The following NLRP1 variants were observed in gnomAD, a reference collection of about 807,000 sequenced individuals.
The protein encoded by NLRP1 is NLR family pyrin domain containing 1.
NLRP1 carries 94 observed loss-of-function variants against 136.7 expected under a neutral mutation model. That is an observed-to-expected ratio of 0.69 (90% CI 0.58 to 0.82). The LOEUF (loss-of-function observed/expected upper bound fraction) is 0.82. Ranked by LOEUF, NLRP1 falls within the 40% of genes least tolerant of loss-of-function variation. The probability of loss-of-function intolerance (pLI) is 0.00; values close to 1 mark genes in which losing one functional copy is unlikely to be tolerated. For synonymous variants in NLRP1, 690 were observed against 725.1 expected (o/e 0.95, Z 0.78); for missense variants, 1,575 against 1,802.7 (o/e 0.87, Z 2.29).
At chr17:5,501,472 A>C (rs1302630913) in exon 16 of NLRP1, 1 of 192,820 alleles carries the variant, frequency 5.2e-6, no homozygotes, top group African/African-American at 2.3e-5. Flanking sequence ...AAATTGAGAA[A>C]ACAGTGTAGG....
chr17:5,530,065 G>A (rs1910045575), intron 12 of NLRP1: 1 of 457,610 alleles, frequency 2.2e-6, no homozygotes. Context: ...CTGCCTGTAG[G>A]AGTAGTGATG....
chr17:5,530,393 C>A, intron 12 of NLRP1, 88 bp downstream of exon 12: 1 of 1,263,566 alleles, frequency 7.9e-7, no homozygotes, highest in South Asian at 1.3e-5. Context: ...GAAGCCACAA[C>A]ACCCTCTCCC....
In NLRP1 at chr17:5,553,451, G is replaced by C. The variant is rs201036847; in HGVS notation, c.2463C>G (p.Ser821Arg). The C allele has an allele frequency of 6.8e-6, 11 of 1,614,194 alleles. No homozygotes were observed. Among genetic ancestry groups the C allele is most frequent in the Non-Finnish European group, 8.5e-6 (10 of 1,180,026 alleles). The change falls in exon 5 of 17, where the codon AGC (serine) becomes AGG (arginine). Residue 821 changes from serine to arginine, a missense_variant. Physicochemically the swap from Ser to Arg is moderately radical, Grantham distance 110. Transcript: ENST00000572272. The stretch of plus-strand genomic sequence containing the variant: ...TACAAAGACTCTTCACTGCAGAGTG[G>C]CTCAGCGAGTTTCCACTTAGGTCCA... ...KELDLSGNSL[S>R]HSAVKSLCKT...
intron 11 of NLRP1, among the ~76,000 whole-genome samples, chr17:5,532,450 A>G (rs1910422041): frequency 6.6e-6 from 1 of 152,150 alleles, no homozygotes; most frequent in African/African-American, 2.4e-5. Flanking sequence ...GTAATGAAAT[A>G]TTTAAGGGTA....
Position 5,521,667 on chromosome 17 carries a change from G to C in NLRP1, c.3640C>G (p.Pro1214Ala). The C allele has an allele frequency of 6.2e-7, 1 of 1,613,944 alleles. No homozygotes were observed. Among genetic ancestry groups the C allele is most frequent in the Non-Finnish European group, 8.5e-7 (1 of 1,180,024 alleles). The change falls in exon 13 of 17, where the codon CCC (proline) becomes GCC (alanine). Residue 1214 changes from proline (P) to alanine (A), a missense_variant. By Grantham distance (27) the Pro-to-Ala change is conservative. Transcript: ENST00000572272. Reference sequence around the variant, plus strand: ...ATCATTTTCAGGAGGACTCCCAAGGGGGAGAAGCTGGGGTTTTCCAGAACT... The same window carrying C: ...ATCATTTTCAGGAGGACTCCCAAGGCGGAGAAGCTGGGGTTTTCCAGAACT... ...HIVLENPSFS[P>A]LGVLLKMIHN...
intron 3 of NLRP1, among the ~76,000 whole-genome samples, chr17:5,581,372 C>T (rs545827443): frequency 6.6e-6 from 1 of 152,282 alleles, no homozygotes; most frequent in South Asian, 2.1e-4. Context: ...TTCTCATCTC[C>T]AGGGTATGAT....
Position 5,528,647 on chromosome 17 carries a change from T to C in NLRP1, c.3520+1834A>G, listed in dbSNP as rs573670535. On this transcript the variant is annotated intron_variant, in intron 12 of 16. Coordinates refer to ENST00000572272, the MANE Select transcript of NLRP1 (RefSeq NM_033004.4). ...TCTCATTTGATTTTTCTCTTTCTACTAGCTTCTAAATAATTTTTCTTATAT... is the reference window on the plus strand; with the variant it reads ...TCTCATTTGATTTTTCTCTTTCTACCAGCTTCTAAATAATTTTTCTTATAT... Among the ~76,000 whole-genome samples, 4 of 152,308 alleles carry C rather than the reference T, an allele frequency of 2.6e-5. No homozygotes were observed. In the South Asian group the frequency reaches 8.3e-4, roughly 32 times the overall value.
rs755028729 is a variant in NLRP1 at position 5,519,848 on chromosome 17, C to CTTT, written c.3915+1030_3915+1032dup. On this transcript the variant is annotated intron_variant, in intron 14 of 16. Transcript: ENST00000572272. ...GCATCTTTATGAAAGTAAATCAGGT[C>CTTT]TTTTTTTTTTTTTTTTTTTTTTTTT... 2.8e-3 allele frequency among the ~76,000 whole-genome samples: 254 copies of CTTT among 90,254 alleles called. 27 individuals are homozygous for CTTT. The highest frequency in any genetic ancestry group is 9.8e-3 in the African/African-American group (225 of 22,894). The allele number at this position is 90,254 out of a possible 152,430, so 59.2% of individuals were successfully genotyped here.
chr17:5,531,160 ATCTAATCTATCTAATCTATCT>A (rs1439354589), intron 11 of NLRP1, among the ~76,000 whole-genome samples: 1 of 146,144 alleles, frequency 6.8e-6, no homozygotes, highest in African/African-American at 2.5e-5. Context: ...CTATCTATCT[ATCTAATCTATCTAATCTATCT>A]ATCTATCTAT....
intron 3 of NLRP1, among the ~76,000 whole-genome samples, chr17:5,564,756 T>TA (rs1555548190): frequency 3.9e-4 from 59 of 149,540 alleles, no homozygotes; most frequent in Admixed American, 2.3e-3. Flanking sequence ...TTTTTTTTTT[T>TA]AGACAGAGTC....
chr17:5,530,662 C>A lies in NLRP1; in HGVS notation c.3339G>T (p.Thr1113=), dbSNP rs780467764. 36 of 1,614,080 alleles carry A rather than the reference C, an allele frequency of 2.2e-5. 1 individual carries two copies. In the South Asian group the frequency reaches 4.0e-4, roughly 18 times the overall value. Residue 1113 remains threonine (T), a synonymous_variant, in exon 12 of 17, where the codon ACG becomes ACT. Transcript: ENST00000572272. ...PVAGSYRWPN[T]GLCFVMREAV... is the part of the protein sequence containing the mutation. ...CTTCTCTCATCACAAAGCAGAGACC[C>A]GTGTTGGGCCAGCGGTAGGAGCCAG... is the stretch of plus-strand genomic sequence containing the variant.
intron 12 of NLRP1, among the ~76,000 whole-genome samples, chr17:5,523,474 G>A (rs1477452597): frequency 1.3e-5 from 2 of 152,028 alleles, no homozygotes; most frequent in African/African-American, 2.4e-5. Flanking sequence ...CTTCCCCCCC[G>A]CTTAGATTTG....
intron 15 of NLRP1, among the ~76,000 whole-genome samples, chr17:5,506,827 G>C: frequency 6.6e-6 from 1 of 151,130 alleles, no homozygotes; most frequent in East Asian, 1.9e-4. Flanking sequence ...GCTTGAGCCC[G>C]GGTGGTGGAG....
chr17:5,519,848 CT>C (rs755028729), intron 14 of NLRP1, among the ~76,000 whole-genome samples: 438 of 90,242 alleles, frequency 4.9e-3, no homozygotes, highest in African/African-American at 0.015. Flanking sequence ...TAAATCAGGT[CT>C]TTTTTTTTTT....
intron 15 of NLRP1, among the ~76,000 whole-genome samples, chr17:5,508,069 G>A (rs1240066111): frequency 6.6e-6 from 1 of 152,088 alleles, no homozygotes; most frequent in Non-Finnish European, 1.5e-5. Context: ...TGGAGGCGGA[G>A]GTTGCGGTGA....
chr17:5,503,125 G>A (rs1010105239), intron 15 of NLRP1: 3 of 152,754 alleles, frequency 2.0e-5, no homozygotes, highest in African/African-American at 7.2e-5. Context: ...GGAAGGGTGT[G>A]AAGGGTGAAA....
chr17:5,558,249 C>T, intron 4 of NLRP1, 90 bp downstream of exon 4: 1 of 1,426,512 alleles, frequency 7.0e-7, no homozygotes, highest in Non-Finnish European at 9.5e-7. Flanking sequence ...CACCCCCGGC[C>T]AGGCTCAGTG....
At chr17:5,582,251 T>C (rs992927851) in intron 2 of NLRP1, among the ~76,000 whole-genome samples, 189 bp from the exon 3 acceptor site, 7 of 152,338 alleles carry the variant, frequency 4.6e-5, no homozygotes, top group Admixed American at 6.5e-5. Flanking sequence ...GGGAGCTGGC[T>C]TGGGCCGAGG....
At chr17:5,527,658 C>G (rs1226754075) in intron 12 of NLRP1, among the ~76,000 whole-genome samples, 1 of 152,214 alleles carries the variant, frequency 6.6e-6, no homozygotes, top group African/African-American at 2.4e-5. Flanking sequence ...TACGGAACTA[C>G]CTTGCATGGT....
Sources: gnomAD v4.1 joint callset for allele counts (sites outside exome capture counted in the v4.1 genomes callset) on GRCh38, gnomAD v4.1.1 for gene constraint, MANE v1.5 for transcripts, NCBI Gene and HGNC (gene_info 2026-07-23, HGNC 2026-07-21) for gene names.